Variants in GLG1 observed in about 807,000 individuals in gnomAD.
The protein encoded by GLG1 is Golgi apparatus protein 1.
In GLG1, 38 loss-of-function variants were observed where a neutral mutation model predicts 160.5. The ratio of observed to expected loss-of-function variants is 0.24; its 90% CI spans 0.18 to 0.31. The LOEUF (loss-of-function observed/expected upper bound fraction) is 0.31. GLG1 is among the 10% of genes least tolerant of loss of function. The probability of loss-of-function intolerance (pLI) is 1.00; values close to 1 mark genes in which losing one functional copy is unlikely to be tolerated. For synonymous variants in GLG1, 644 were observed against 543.4 expected (o/e 1.19, Z -2.57); for missense variants, 1,373 against 1,505.2 (o/e 0.91, Z 1.45).
At chr16:74,488,170 C>T (rs1006830776) in intron 8 of GLG1, among the ~76,000 whole-genome samples, 12 of 151,964 alleles carry the variant, frequency 7.9e-5, no homozygotes, top group African/African-American at 2.9e-4. Context: ...AATCACCAAG[C>T]AGAGAACAGG....
At chr16:74,506,931 A>G (rs1159353618) in intron 3 of GLG1, among the ~76,000 whole-genome samples, 1 of 152,206 alleles carries the variant, frequency 6.6e-6, no homozygotes, top group Non-Finnish European at 1.5e-5. Flanking sequence ...ACCATGAGCA[A>G]AATGCTGCAG....
chr16:74,548,761 T>C (rs1475736642), intron 1 of GLG1, among the ~76,000 whole-genome samples: 6 of 152,170 alleles, frequency 3.9e-5, no homozygotes, highest in Admixed American at 3.3e-4. Context: ...TTTGTGAGGC[T>C]GAGACAAGCG....
At chr16:74,486,485 T>C (rs540614748) in intron 8 of GLG1, among the ~76,000 whole-genome samples, 4 of 152,336 alleles carry the variant, frequency 2.6e-5, no homozygotes, top group African/African-American at 9.6e-5. Context: ...CAACTATTTT[T>C]CTATAACCAA....
intron 1 of GLG1, chr16:74,552,824 T>G (rs1223832441): frequency 6.5e-6 from 1 of 153,268 alleles, no homozygotes; most frequent in Non-Finnish European, 1.5e-5. Context: ...TAAGCCAGTG[T>G]TTAACCTGTG....
At chr16:74,483,204 A>G in intron 9 of GLG1, 80 bp from the exon 10 acceptor site, 1 of 823,806 alleles carries the variant, frequency 1.2e-6, no homozygotes, top group South Asian at 1.5e-5. Context: ...CCTGGTCTGT[A>G]GAAGGCGGCT....
chr16:74,528,601 C>G (rs2017418266), intron 2 of GLG1, among the ~76,000 whole-genome samples: 1 of 151,700 alleles, frequency 6.6e-6, no homozygotes, highest in Admixed American at 6.6e-5. Flanking sequence ...CACCTGAGGT[C>G]AGGAGTTCGA....
At position 74,449,563 on chromosome 16, in the gene GLG1, A is replaced by G. The variant is rs2014204860; in HGVS notation, c.*3604T>C. ...GACAGTAACTTTCTGTAGCATCTTCAGGGAAAGCTGTCTCTTCACCAGGAT... is the reference window on the plus strand; with the variant it reads ...GACAGTAACTTTCTGTAGCATCTTCGGGGAAAGCTGTCTCTTCACCAGGAT... On this transcript the variant is annotated 3_prime_UTR_variant, in exon 26 of 26. Transcript: ENST00000422840. 1 of 152,218 alleles carries G rather than the reference A, an allele frequency of 6.6e-6. No homozygotes were observed. Among genetic ancestry groups the G allele is most frequent in the South Asian group, 2.1e-4 (1 of 4,834 alleles). 9.4% of individuals were successfully genotyped at this position (152,218 alleles called of 1,614,324 possible). A position where few individuals can be genotyped will look rare whatever the true frequency, so the allele number is the denominator to read the frequency against.
chr16:74,483,683 G>C (rs2015686675), intron 9 of GLG1, among the ~76,000 whole-genome samples: 1 of 149,448 alleles, frequency 6.7e-6, no homozygotes, highest in Non-Finnish European at 1.5e-5. Flanking sequence ...TTTTGAGATG[G>C]AGTCTCGCTC....
At chr16:74,458,251 T>C in intron 23 of GLG1, 1 of 377,524 alleles carries the variant, frequency 2.6e-6, no homozygotes, top group Admixed American at 4.0e-5. Flanking sequence ...ATCAGATTTG[T>C]GTTTTTGGCA....
At position 74,480,384 on chromosome 16, in the gene GLG1, C is replaced by A; in HGVS notation, c.1684G>T (p.Val562Phe). The A allele has an allele frequency of 6.2e-7, 1 of 1,611,858 alleles. No individual in the cohort carries two copies. Among genetic ancestry groups the A allele is most frequent in the Non-Finnish European group, 8.5e-7 (1 of 1,178,718 alleles). Reference sequence around the variant, plus strand: ...TCTCCCTGGCACTTGCGGTACAGGACAGGGTCCAGCCTATAAGGTTAAGAG... The same window carrying A: ...TCTCCCTGGCACTTGCGGTACAGGAAAGGGTCCAGCCTATAAGGTTAAGAG... ...FISRDWKLDP[V>F]LYRKCQGDAS... is the part of the protein sequence containing the mutation. The change falls in exon 11 of 26, where the codon GTC becomes TTC. Residue 562 changes from valine to phenylalanine, a missense_variant. Coordinates refer to ENST00000422840, the MANE Select transcript of GLG1 (RefSeq NM_001145667.2).
intron 3 of GLG1, among the ~76,000 whole-genome samples, chr16:74,504,934 TAAAAC>T (rs1211460606): frequency 1.3e-5 from 2 of 152,202 alleles, no homozygotes; most frequent in Non-Finnish European, 2.9e-5. Context: ...GCTTAAATTA[TAAAAC>T]AGAGAAGGGT....
chr16:74,472,843 A>T, intron 13 of GLG1: 1 of 324,480 alleles, frequency 3.1e-6, no homozygotes, highest in Non-Finnish European at 6.0e-6. Context: ...TTACTGGGGA[A>T]CACATACTAA....
At chr16:74,454,083 C>T (rs1433266626) in intron 25 of GLG1, among the ~76,000 whole-genome samples, 1 of 151,982 alleles carries the variant, frequency 6.6e-6, no homozygotes. Flanking sequence ...CTGTGTTGGG[C>T]AGGCTGGTCT....
chr16:74,498,735 C>T (rs1567483384), intron 4 of GLG1, among the ~76,000 whole-genome samples: 2 of 149,256 alleles, frequency 1.3e-5, no homozygotes, highest in African/African-American at 2.5e-5. Flanking sequence ...TGTGGTGACA[C>T]GTACCTATAA....
chr16:74,479,473 C>A (rs1053937858), intron 11 of GLG1, among the ~76,000 whole-genome samples: 1 of 151,376 alleles, frequency 6.6e-6, no homozygotes, highest in Non-Finnish European at 1.5e-5. Flanking sequence ...CAAATTCCCA[C>A]GTTTTCTCAC....
At chr16:74,458,049 C>A in intron 23 of GLG1, 55 bp from the exon 24 acceptor site, 2 of 1,574,988 alleles carry the variant, frequency 1.3e-6, no homozygotes, top group South Asian at 1.1e-5. Flanking sequence ...TGCATCAGAT[C>A]TGTTGTCTGT....
intron 2 of GLG1, among the ~76,000 whole-genome samples, chr16:74,516,271 C>A (rs2016975444): frequency 2.0e-5 from 3 of 151,660 alleles, no homozygotes; most frequent in Non-Finnish European, 4.4e-5. Flanking sequence ...AGCACCACAC[C>A]ACACCTATTC....
At chr16:74,562,216 C>T (rs542443764) in intron 1 of GLG1, among the ~76,000 whole-genome samples, 29 of 152,362 alleles carry the variant, frequency 1.9e-4, no homozygotes, top group African/African-American at 6.0e-4. Context: ...ACAGACACAA[C>T]AGCTTTAGGT....
At chr16:74,466,990 C>T (rs12325017) in intron 18 of GLG1, among the ~76,000 whole-genome samples, 1 of 152,026 alleles carries the variant, frequency 6.6e-6, no homozygotes, top group African/African-American at 2.4e-5. Context: ...ACTGAAGGAA[C>T]ACATAGATTG....
Sources: gnomAD v4.1 joint callset for allele counts (sites outside exome capture counted in the v4.1 genomes callset) on GRCh38, gnomAD v4.1.1 for gene constraint, MANE v1.5 for transcripts, NCBI Gene and HGNC (gene_info 2026-07-23, HGNC 2026-07-21) for gene names.